PCDHGA3: variants seen among roughly 807,000 people sequenced by gnomAD.
The protein encoded by PCDHGA3 is protocadherin gamma subfamily A, 3.
Under a neutral mutation model 58.5 loss-of-function variants are expected in PCDHGA3, and 40 were observed. That is an observed-to-expected ratio of 0.68 (90% CI 0.53 to 0.89). The LOEUF is 0.89. Among genes scored for constraint, PCDHGA3 ranks in the 40% least tolerant of loss-of-function variants. The probability of loss-of-function intolerance (pLI) is 0.00; values close to 1 mark genes in which losing one functional copy is unlikely to be tolerated. For synonymous variants in PCDHGA3, 530 were observed against 525.7 expected (o/e 1.01, Z -0.11); for missense variants, 1,223 against 1,195.9 (o/e 1.02, Z -0.33).
rs747671382 is a variant in PCDHGA3 at position 141,444,152 on chromosome 5, A to ATTTTTT, written c.2425-50624_2425-50619dup. ...GATATGTGTCACTTGTGTGTACTGG[A>ATTTTTT]TTTTTTTTTTTTTTTTTTTTTTTTT... On this transcript the variant is annotated intron_variant, in intron 1 of 3. Coordinates refer to ENST00000253812, the MANE Select transcript of PCDHGA3 (RefSeq NM_018916.4). Among the ~76,000 whole-genome samples the ATTTTTT allele has an allele frequency of 3.5e-4, 12 of 33,898 alleles. 1 individual carries two copies. Among genetic ancestry groups the ATTTTTT allele is most frequent in the African/African-American group, 4.2e-4 (3 of 7,184 alleles). The allele number at this position is 33,898 out of a possible 152,430, so 22.2% of individuals were successfully genotyped here.
intron 1 of PCDHGA3, chr5:141,393,035 CTT>C: frequency 6.2e-7 from 1 of 1,613,790 alleles, no homozygotes; most frequent in South Asian, 1.1e-5. Flanking sequence ...GGACGCAGCT[CTT>C]TGCTCTGAAC....
chr5:141,492,471 C>T (rs937691695), intron 1 of PCDHGA3, among the ~76,000 whole-genome samples: 8 of 152,240 alleles, frequency 5.3e-5, no homozygotes, highest in Non-Finnish European at 1.0e-4. Flanking sequence ...GGTCCCAGAT[C>T]GCGGCCGCCC....
intron 1 of PCDHGA3, chr5:141,388,544 A>C (rs755878131): frequency 5.6e-6 from 9 of 1,613,654 alleles, no homozygotes; most frequent in Non-Finnish European, 6.8e-6. Flanking sequence ...TTGGAGCTCC[A>C]CCCCTAAGCA....
chr5:141,448,945 A>G (rs1288079348), intron 1 of PCDHGA3, among the ~76,000 whole-genome samples: 1 of 151,716 alleles, frequency 6.6e-6, no homozygotes, highest in Non-Finnish European at 1.5e-5. Context: ...ACTGCAACTC[A>G]AAAAAACAAA....
At chr5:141,430,902 T>C (rs373775073) in intron 1 of PCDHGA3, 4 of 1,606,232 alleles carry the variant, frequency 2.5e-6, no homozygotes, top group Admixed American at 3.4e-5. Context: ...GTGGGCGACA[T>C]CTCCAGGGAC....
intron 1 of PCDHGA3, chr5:141,374,870 G>T: frequency 6.2e-7 from 1 of 1,613,702 alleles, no homozygotes; most frequent in Non-Finnish European, 8.5e-7. Context: ...ACCAGTGTTG[G>T]CAGTGACTGC....
chr5:141,378,002 A>G (rs111381371), intron 1 of PCDHGA3: 1 of 152,236 alleles, frequency 6.6e-6, no homozygotes, highest in Non-Finnish European at 1.5e-5. Flanking sequence ...AGCTTGGCTC[A>G]AATAAGCTCT....
chr5:141,408,336 C>A, intron 1 of PCDHGA3: 1 of 1,613,910 alleles, frequency 6.2e-7, no homozygotes, highest in Non-Finnish European at 8.5e-7. Flanking sequence ...GCCAAGGGCT[C>A]GGTGGTGGGG....
At chr5:141,362,001 C>T in intron 1 of PCDHGA3, 3 of 1,603,878 alleles carry the variant, frequency 1.9e-6, no homozygotes, top group South Asian at 1.1e-5. Flanking sequence ...TGGGGTTGCG[C>T]ACGGGTGAGG....
At chr5:141,355,309 G>C (rs764402775) in intron 1 of PCDHGA3, 1 of 1,613,956 alleles carries the variant, frequency 6.2e-7, no homozygotes, top group Middle Eastern at 1.7e-4. Context: ...CTCGGTGTTT[G>C]AGGAGCAGGA....
rs192411178 is a variant in PCDHGA3, at chr5:141,397,840, C to A, written c.2424+51383C>A. ...AATTACTGCACTGGTTAACTTGAAG[C>A]CGCAGAGGCTGTAGTTTCCTAGTGC... On this transcript the variant is annotated intron_variant, in intron 1 of 3. Transcript: ENST00000253812. 268 of 517,094 alleles carry A rather than the reference C, an allele frequency of 5.2e-4. 2 individuals carry two copies. Among genetic ancestry groups the A allele is most frequent in the African/African-American group, 4.6e-3 (241 of 51,950 alleles). The allele number at this position is 517,094 out of a possible 1,614,324, so 32.0% of individuals were successfully genotyped here. A position where few individuals can be genotyped will look rare whatever the true frequency, so the allele number is the denominator to read the frequency against.
In PCDHGA3 at chr5:141,356,915, C is replaced by T. The variant is rs766171265; in HGVS notation, c.2424+10458C>T. 7.4e-6 allele frequency: 12 copies of T among 1,614,206 alleles called. No homozygotes were observed. In the South Asian group the frequency reaches 1.1e-4, roughly 15 times the overall value. ...TACCCCACCTTCCCTACTGATGGCT[C>T]CACTGGTGTGGAGCTGGCACCCCGC... On this transcript the variant is annotated intron_variant, in intron 1 of 3. Transcript: ENST00000253812.
rs2099883795 is a variant in PCDHGA3 at position 141,511,444 on chromosome 5, A to C, written c.*271A>C. 3.0e-6 allele frequency: 2 copies of C among 665,362 alleles called. No individual in the cohort carries two copies. The highest frequency in any genetic ancestry group is 3.6e-5 in the African/African-American group (2 of 54,978). 41.2% of individuals were successfully genotyped at this position (665,362 alleles called of 1,614,324 possible). On this transcript the variant is annotated 3_prime_UTR_variant, in exon 4 of 4. Coordinates refer to ENST00000253812, the MANE Select transcript of PCDHGA3 (RefSeq NM_018916.4). ...GGGTAGTGGGGTTACTGTAGACACC[A>C]AGAACCATTTGCCACACCCCGTTTA...
chr5:141,415,502 A>T, intron 1 of PCDHGA3: 1 of 1,614,204 alleles, frequency 6.2e-7, no homozygotes, highest in African/African-American at 1.3e-5. Flanking sequence ...ATCTTCCCCC[A>T]GCCCAATTAT....
chr5:141,456,383 T>G (rs1372337704), intron 1 of PCDHGA3, among the ~76,000 whole-genome samples: 4 of 152,130 alleles, frequency 2.6e-5, no homozygotes, highest in Admixed American at 2.6e-4. Flanking sequence ...ACAGCACCGT[T>G]TGGAGTTTGA....
rs1364128998 is a variant in PCDHGA3 at position 141,345,223 on chromosome 5, C to T, written c.1190C>T (p.Ser397Leu). The change falls in exon 1 of 4, where the codon TCA becomes TTA. Residue 397 changes from serine (S) to leucine (L), a missense_variant. Ser to Leu is a moderately radical substitution (Grantham distance 145). Around this residue, in one of 3 missense-constraint regions of PCDHGA3, gnomAD observed 791 missense variants for 708.5 expected, o/e 1.12. Transcript: ENST00000253812. ...LGNLPFKLEK[S>L]IDQYYRLVTA... The stretch of plus-strand genomic sequence containing the variant: ...AATCTGCCATTTAAGTTAGAAAAAT[C>T]AATAGATCAATATTACCGCTTAGTG... 3.1e-6 allele frequency: 5 copies of T among 1,613,810 alleles called. No homozygotes were observed. The highest frequency in any genetic ancestry group is 4.2e-6 in the Non-Finnish European group (5 of 1,179,882).
intron 1 of PCDHGA3, chr5:141,412,903 G>T: frequency 5.3e-6 from 2 of 376,030 alleles, no homozygotes; most frequent in East Asian, 4.2e-5. Flanking sequence ...ACTTTCCATT[G>T]CATGTATCAC....
intron 1 of PCDHGA3, chr5:141,418,451 A>AG (rs2096259161): frequency 3.1e-6 from 5 of 1,614,046 alleles, no homozygotes; most frequent in Non-Finnish European, 4.2e-6. Context: ...AGTATTGCAG[A>AG]AGACTCTGGA....
rs895234762 is a variant in PCDHGA3 at position 141,476,911 on chromosome 5, A to G, written c.2425-17896A>G. 4 of 1,613,972 alleles carry G rather than the reference A, an allele frequency of 2.5e-6. No individual in the cohort carries two copies. The African/African-American group carries it at 4.0e-5, about 16-fold the overall frequency. On this transcript the variant is annotated intron_variant, in intron 1 of 3. Transcript: ENST00000253812. This position sits in a 1 kb window ranked among gnomAD's most constrained non-coding sequence, Gnocchi z 7.6. ...CACCCTCCGGCACGCGCGTGGTACA[A>G]GTCCTTGCAACGGATCTGGATGAAG...
Sources: allele counts gnomAD v4.1 joint callset (sites outside exome capture counted in the v4.1 genomes callset), GRCh38; gene constraint gnomAD v4.1.1; regional missense constraint gnomAD v4.1.1; non-coding constraint Gnocchi (gnomAD v3.1); transcripts MANE v1.5; gene names NCBI Gene and HGNC (gene_info 2026-07-23, HGNC 2026-07-21).